C5: variants seen among roughly 807,000 people sequenced by gnomAD.
C5 encodes the protein complement C5.
A neutral mutation model predicts 218.8 loss-of-function variants in C5; 140 were observed. The observed-to-expected ratio is 0.64, with a 90% CI of 0.56 to 0.74. C5 has a LOEUF of 0.74. C5 is among the 30% of genes least tolerant of loss of function. The pLI is 0.00. For synonymous variants in C5, 614 were observed against 682.3 expected (o/e 0.90, Z 1.56); for missense variants, 1,700 against 1,969.6 (o/e 0.86, Z 2.59).
chr9:121,020,527 G>T lies in C5; in HGVS notation c.1303-348C>A, dbSNP rs540305537. On this transcript the variant is annotated intron_variant, in intron 11 of 40. Coordinates refer to ENST00000223642, the MANE Select transcript of C5 (RefSeq NM_001735.3). ...TACAGAGAGATGCCTAAGCATTTAG[G>T]AAATGGGGGTAGGAGAAGGGAAGTA... Among the ~76,000 whole-genome samples the T allele has an allele frequency of 8.5e-5, 13 of 152,316 alleles. No individual in the cohort carries two copies. The South Asian group carries it at 2.5e-3, about 29-fold the overall frequency.
intron 14 of C5, 68 bp downstream of exon 14, chr9:121,017,294 C>T (rs1160081596): frequency 6.3e-7 from 1 of 1,580,216 alleles, no homozygotes; most frequent in East Asian, 2.2e-5. Context: ...TCCCTTAGTT[C>T]TTCCTCCATA....
chr9:121,073,198 C>T, the C5 span, among the ~76,000 whole-genome samples: 1 of 152,220 alleles, frequency 6.6e-6, no homozygotes, highest in Non-Finnish European at 1.5e-5. Context: ...ACAAGCCATA[C>T]TGAACTACTT....
chr9:120,985,533 A>C (rs2047026683), intron 25 of C5, among the ~76,000 whole-genome samples: 1 of 152,160 alleles, frequency 6.6e-6, no homozygotes, highest in Non-Finnish European at 1.5e-5. Context: ...TAATATTAAA[A>C]TTTGGAAATG....
At chr9:121,018,647 G>GAAAGAAAGAAAGA (rs200489636) in intron 12 of C5, among the ~76,000 whole-genome samples, 831 of 23,458 alleles carry the variant, frequency 0.035, 59 homozygotes, top group African/African-American at 0.1. Context: ...GGGAGGGAGG[G>GAAAGAAAGAAAGA]AAAGAAAGAA....
intron 20 of C5, among the ~76,000 whole-genome samples, chr9:121,002,322 A>ATGTG (rs2047178306): frequency 1.4e-5 from 1 of 72,332 alleles, no homozygotes; most frequent in Non-Finnish European, 2.9e-5. Context: ...GTGTGTATAT[A>ATGTG]TATATATATA....
At chr9:121,035,714 C>T (rs181028075) in intron 4 of C5, among the ~76,000 whole-genome samples, 6 of 151,614 alleles carry the variant, frequency 4.0e-5, no homozygotes, top group Admixed American at 2.0e-4. Flanking sequence ...GGACCACAGG[C>T]ACATGCCACC....
At chr9:121,048,767 C>G (rs1197538580) in intron 1 of C5, among the ~76,000 whole-genome samples, 1 of 91,780 alleles carries the variant, frequency 1.1e-5, no homozygotes, top group Non-Finnish European at 2.3e-5. Context: ...GGAGCAGGAG[C>G]TTGCAGAGAG....
At chr9:121,025,868 A>C (rs901005884) in intron 8 of C5, 1 of 341,022 alleles carries the variant, frequency 2.9e-6, no homozygotes, top group East Asian at 6.8e-5. Flanking sequence ...GTCATCATTC[A>C]TCTTTATAGG....
Position 120,963,627 on chromosome 9 carries a change from AAC to A in C5, c.4323+7_4323+8del, listed in dbSNP as rs2046844195. On this transcript the variant is annotated splice_region_variant and intron_variant, in intron 34 of 40. Transcript: ENST00000223642. Reference sequence around the variant, plus strand: ...GCATTCACAACACGATTTAAAAGAAAACACATACGGCTTTTAAGTCTTCTTCA... The same window carrying A: ...GCATTCACAACACGATTTAAAAGAAAACATACGGCTTTTAAGTCTTCTTCA... 1.1e-5 allele frequency: 17 copies of A among 1,587,260 alleles called. No homozygotes were observed. Among genetic ancestry groups the A allele is most frequent in the Non-Finnish European group, 1.5e-5 (17 of 1,155,780 alleles).
chr9:120,956,452 C>T (rs1232725309), intron 39 of C5, among the ~76,000 whole-genome samples: 2 of 152,104 alleles, frequency 1.3e-5, no homozygotes, highest in Non-Finnish European at 2.9e-5. Context: ...ACATTCCACG[C>T]TCATGGATAG....
At position 120,960,285 on chromosome 9, in the gene C5, T is replaced by C; in HGVS notation, c.4641A>G (p.Thr1547=). Residue 1547 remains threonine (T), a synonymous_variant, in exon 38 of 41, where the codon ACA becomes ACG. Coordinates refer to ENST00000223642, the MANE Select transcript of C5 (RefSeq NM_001735.3). ...EELDLTISAE[T]RKQTACKPEI... ...CTGGTTTACATGCTGTTTGTTTTCT[T>C]GTCTCTGCAGAGATTGTCAGATCCA... 6.2e-7 allele frequency: 1 copy of C among 1,613,694 alleles called. No homozygotes were observed. Among genetic ancestry groups the C allele is most frequent in the Non-Finnish European group, 8.5e-7 (1 of 1,179,790 alleles).
At chr9:120,984,215 T>C (rs2047016196) in intron 25 of C5, among the ~76,000 whole-genome samples, 2 of 151,978 alleles carry the variant, frequency 1.3e-5, no homozygotes, top group South Asian at 4.1e-4. Flanking sequence ...GATTTTTTTT[T>C]TGATATTAAT....
chr9:121,016,223 T>C, intron 15 of C5, 31 bp downstream of exon 15: 1 of 1,613,380 alleles, frequency 6.2e-7, no homozygotes, highest in South Asian at 1.1e-5. Context: ...ATCAATGGGA[T>C]TTTCAGTAAT....
At chr9:121,050,325 C>T (rs1212955505), upstream of C5, 1 of 1,148,854 alleles carries the variant, frequency 8.7e-7, no homozygotes, top group Non-Finnish European at 1.3e-6. Context: ...TTGAAGAATT[C>T]AGATAATCTG....
At chr9:121,062,754 GAC>G in the C5 span, among the ~76,000 whole-genome samples, 1 of 152,152 alleles carries the variant, frequency 6.6e-6, no homozygotes, top group African/African-American at 2.4e-5. Context: ...ATTTTTGGTT[GAC>G]AGTCTTTTTC....
intron 25 of C5, 82 bp downstream of exon 25, chr9:120,988,964 A>T: frequency 1.0e-6 from 1 of 997,488 alleles, no homozygotes; most frequent in East Asian, 2.4e-5. Flanking sequence ...GAGCAACTGG[A>T]GGAATGGAGT....
the C5 span, among the ~76,000 whole-genome samples, chr9:121,055,488 A>G: frequency 6.6e-6 from 1 of 151,866 alleles, no homozygotes; most frequent in Non-Finnish European, 1.5e-5. Context: ...CTGCTTGGGG[A>G]AAGAAGAGAG....
chr9:120,989,796 T>A lies in C5; in HGVS notation c.2942-16A>T, dbSNP rs1026823552. 6 of 1,596,778 alleles carry A rather than the reference T, an allele frequency of 3.8e-6. No individual in the cohort carries two copies. Among genetic ancestry groups the A allele is most frequent in the Non-Finnish European group, 4.3e-6 (5 of 1,164,536 alleles). ...ACAAGCAGTCCTGAAACAAAAAAGA[T>A]CAAAGTAGACACATTGCTTTTTATT... On this transcript the variant is annotated splice_polypyrimidine_tract_variant and intron_variant, in intron 23 of 40. Coordinates refer to ENST00000223642, the MANE Select transcript of C5 (RefSeq NM_001735.3).
intron 4 of C5, among the ~76,000 whole-genome samples, chr9:121,035,188 A>C (rs1038259304): frequency 3.9e-5 from 6 of 152,130 alleles, no homozygotes; most frequent in East Asian, 1.9e-4. Flanking sequence ...CAACACGTAA[A>C]AACAACAACA....
Sources: allele counts gnomAD v4.1 joint callset (sites outside exome capture counted in the v4.1 genomes callset), GRCh38; gene constraint gnomAD v4.1.1; transcripts MANE v1.5; gene names NCBI Gene and HGNC (gene_info 2026-07-23, HGNC 2026-07-21).